TMEFF2: variants seen among roughly 807,000 people sequenced by gnomAD.
TMEFF2 encodes transmembrane protein with EGF like and two follistatin like domains 2.
TMEFF2 carries 28 observed loss-of-function variants against 53.8 expected under a neutral mutation model. The observed-to-expected ratio is 0.52, with a 90% CI of 0.39 to 0.71. TMEFF2 has a LOEUF of 0.71. TMEFF2 is among the 30% of genes least tolerant of loss of function. The pLI is 0.00. For synonymous variants in TMEFF2, 162 were observed against 166.3 expected, an observed-to-expected ratio of 0.97 and a Z score of 0.20; for missense variants, 353 against 455.2, an observed-to-expected ratio of 0.78 and a Z score of 2.04.
intron 4 of TMEFF2, among the ~76,000 whole-genome samples, chr2:192,094,540 C>A (rs1234625322): frequency 6.6e-6 from 1 of 152,000 alleles, no homozygotes; most frequent in Non-Finnish European, 1.5e-5. Context: ...AATCTACACA[C>A]CTCAATTTTT....
intron 7 of TMEFF2, among the ~76,000 whole-genome samples, chr2:191,974,114 T>C (rs1032495138): frequency 2.0e-5 from 3 of 152,242 alleles, no homozygotes; most frequent in African/African-American, 7.2e-5. Context: ...ATTTTTAATC[T>C]GGTGTTTTCT....
At chr2:192,074,053 A>C (rs1688353191) in intron 4 of TMEFF2, among the ~76,000 whole-genome samples, 1 of 151,988 alleles carries the variant, frequency 6.6e-6, no homozygotes, top group Non-Finnish European at 1.5e-5. Context: ...GGGTCAACTG[A>C]GATCACTCAT....
At chr2:192,103,927 A>G (rs1689090736) in intron 4 of TMEFF2, among the ~76,000 whole-genome samples, 1 of 151,826 alleles carries the variant, frequency 6.6e-6, no homozygotes, top group South Asian at 2.1e-4. Flanking sequence ...ACTGCTGTGA[A>G]GTTTATTATA....
At chr2:191,978,632 TCTCAGCCTGAGCTCCC>T (rs369959930) in intron 7 of TMEFF2, among the ~76,000 whole-genome samples, 16 of 152,266 alleles carry the variant, frequency 1.1e-4, no homozygotes, top group Non-Finnish European at 1.8e-4. Context: ...AAGCTTATTT[TCTCAGCCTGAGCTCCC>T]TTATAAATAT....
At chr2:192,106,572 GAAT>G (rs1209394474) in intron 4 of TMEFF2, among the ~76,000 whole-genome samples, 2 of 151,570 alleles carry the variant, frequency 1.3e-5, no homozygotes, top group Non-Finnish European at 3.0e-5. Context: ...TTTCTTTAAT[GAAT>G]AATAAAATTT....
chr2:192,156,025 AC>A (rs1690499310), intron 4 of TMEFF2, among the ~76,000 whole-genome samples: 1 of 151,592 alleles, frequency 6.6e-6, no homozygotes, highest in African/African-American at 2.4e-5. Context: ...AAAAAAAAAA[AC>A]AAGATAATAG....
At chr2:192,071,325 A>C (rs898847090) in intron 4 of TMEFF2, among the ~76,000 whole-genome samples, 1 of 151,840 alleles carries the variant, frequency 6.6e-6, no homozygotes, top group Non-Finnish European at 1.5e-5. Context: ...TTCTTAAGCC[A>C]CTAAATTTTG....
chr2:191,982,948 G>A (rs1297071911), intron 7 of TMEFF2, among the ~76,000 whole-genome samples: 1 of 152,138 alleles, frequency 6.6e-6, no homozygotes, highest in Admixed American at 6.6e-5. Flanking sequence ...ATAAGATTGA[G>A]GTGGAGCTTG....
In TMEFF2 at chr2:191,984,849, G is replaced by A. The variant is rs1685938975; in HGVS notation, c.745+13413C>T. ...TCAGTGGGGAACAGAACTACGTGGA[G>A]CATAAATTTGAAGCTTTATATATAT... On this transcript the variant is annotated intron_variant, in intron 7 of 9. Coordinates refer to ENST00000272771, the MANE Select transcript of TMEFF2 (RefSeq NM_016192.4). 2.6e-5 allele frequency among the ~76,000 whole-genome samples: 4 copies of A among 151,974 alleles called. No homozygotes were observed. The South Asian group carries it at 8.3e-4, about 31-fold the overall frequency.
At chr2:192,107,422 C>T (rs1689174001) in intron 4 of TMEFF2, among the ~76,000 whole-genome samples, 1 of 151,650 alleles carries the variant, frequency 6.6e-6, no homozygotes, top group Admixed American at 6.6e-5. Flanking sequence ...CTACTTCAGA[C>T]ATTTTAAAAA....
intron 4 of TMEFF2, among the ~76,000 whole-genome samples, chr2:192,069,001 T>C (rs1688226454): frequency 6.6e-6 from 1 of 150,994 alleles, no homozygotes; most frequent in South Asian, 2.1e-4. Context: ...GGAATTACAA[T>C]ATCCAAAACA....
At chr2:192,142,410 A>G (rs1031115133) in intron 4 of TMEFF2, among the ~76,000 whole-genome samples, 3 of 152,132 alleles carry the variant, frequency 2.0e-5, no homozygotes, top group Non-Finnish European at 2.9e-5. Context: ...GTACATATAC[A>G]TTAATCTTTA....
intron 4 of TMEFF2, among the ~76,000 whole-genome samples, chr2:192,147,151 GAAA>G (rs1690270965): frequency 6.6e-6 from 1 of 151,916 alleles, no homozygotes; most frequent in Non-Finnish European, 1.5e-5. Flanking sequence ...GTCATAAGAA[GAAA>G]CAGGAACTCT....
chr2:192,108,035 G>A (rs895235718), intron 4 of TMEFF2, among the ~76,000 whole-genome samples: 1 of 150,552 alleles, frequency 6.6e-6, no homozygotes, highest in East Asian at 1.9e-4. Context: ...CTTTTGTTCT[G>A]GCACTGAATA....
At chr2:192,000,947 A>G (rs1686343077) in intron 5 of TMEFF2, among the ~76,000 whole-genome samples, 1 of 152,154 alleles carries the variant, frequency 6.6e-6, no homozygotes. Flanking sequence ...GGAACATGAC[A>G]TTGCTACCTC....
intron 3 of TMEFF2, among the ~76,000 whole-genome samples, chr2:192,183,184 C>A (rs1463469727): frequency 7.9e-5 from 12 of 151,998 alleles, no homozygotes; most frequent in Non-Finnish European, 1.8e-4. Flanking sequence ...AACAAAACAT[C>A]ATTGGCCATG....
chr2:192,133,290 C>T (rs1234553406), intron 4 of TMEFF2, among the ~76,000 whole-genome samples: 1 of 152,022 alleles, frequency 6.6e-6, no homozygotes, highest in Non-Finnish European at 1.5e-5. Flanking sequence ...CCTCTTGTAT[C>T]CCCCCACCTT....
intron 4 of TMEFF2, among the ~76,000 whole-genome samples, chr2:192,134,344 T>G (rs1245004070): frequency 6.6e-6 from 1 of 152,148 alleles, no homozygotes; most frequent in Admixed American, 6.5e-5. Context: ...TTCATCCCAT[T>G]TCCCCACATT....
At chr2:192,148,655 C>T (rs1690311920) in intron 4 of TMEFF2, among the ~76,000 whole-genome samples, 1 of 151,998 alleles carries the variant, frequency 6.6e-6, no homozygotes, top group African/African-American at 2.4e-5. Context: ...GGCCAAAGGA[C>T]ACATTTTAAA....
Sources: gnomAD v4.1 joint callset for allele counts (sites outside exome capture counted in the v4.1 genomes callset) on GRCh38, gnomAD v4.1.1 for gene constraint, MANE v1.5 for transcripts, NCBI Gene and HGNC (gene_info 2026-07-23, HGNC 2026-07-21) for gene names.